The following LINGO2 variants were observed in gnomAD, a reference collection of about 807,000 sequenced individuals.
LINGO2 encodes the protein leucine-rich repeat and immunoglobulin-like domain-containing nogo receptor-interacting protein 2.
In LINGO2, 14 loss-of-function variants were observed where a neutral mutation model predicts 30.6. The ratio of observed to expected loss-of-function variants is 0.46; its 90% CI spans 0.30 to 0.72. The LOEUF (loss-of-function observed/expected upper bound fraction) is 0.72, where lower values mean the gene tolerates loss of function less well. Among genes scored for constraint, LINGO2 ranks in the 30% least tolerant of loss-of-function variants. LINGO2 has a pLI of 0.07. For missense variants in LINGO2, 729 were observed against 751.7 expected, an observed-to-expected ratio of 0.97 and a Z score of 0.35; for synonymous variants, 317 against 288.5, an observed-to-expected ratio of 1.10 and a Z score of -1.00.
chr9:28,975,704 T>G, the LINGO2 span, among the ~76,000 whole-genome samples: 1 of 152,302 alleles, frequency 6.6e-6, no homozygotes, highest in Admixed American at 6.5e-5. Context: ...ACCTTAAGAT[T>G]AGGTCTTTGC....
the LINGO2 span, among the ~76,000 whole-genome samples, chr9:28,778,044 T>G: frequency 1.3e-5 from 2 of 152,136 alleles, no homozygotes; most frequent in East Asian, 3.9e-4. Flanking sequence ...ATATGATTGA[T>G]AGTGGCATAG....
At chr9:29,063,406 C>CTT in the LINGO2 span, among the ~76,000 whole-genome samples, 51 of 142,764 alleles carry the variant, frequency 3.6e-4, no homozygotes, top group Non-Finnish European at 5.5e-4. Context: ...CTATTTACAC[C>CTT]TTTTTTTTTT....
intron 4 of LINGO2, among the ~76,000 whole-genome samples, chr9:28,270,650 C>T (rs570810729): frequency 2.6e-5 from 4 of 152,214 alleles, no homozygotes; most frequent in Non-Finnish European, 4.4e-5. Context: ...AGCTGCAGAT[C>T]ACGACTGAAT....
intron 1 of LINGO2, among the ~76,000 whole-genome samples, chr9:28,664,394 GA>G (rs1563901769): frequency 2.0e-5 from 3 of 152,098 alleles, no homozygotes; most frequent in Non-Finnish European, 2.9e-5. Flanking sequence ...TTAGAAGCCT[GA>G]GAGACCTCTA....
chr9:28,990,667 G>C, the LINGO2 span, among the ~76,000 whole-genome samples: 1 of 152,128 alleles, frequency 6.6e-6, no homozygotes, highest in South Asian at 2.1e-4. Flanking sequence ...AACTTCCAGA[G>C]GAACGATCAG....
At chr9:28,498,272 C>A (rs943211648) in intron 1 of LINGO2, among the ~76,000 whole-genome samples, 53 of 152,316 alleles carry the variant, frequency 3.5e-4, no homozygotes, top group African/African-American at 1.3e-3. Context: ...TCTACAGAGG[C>A]AGGCAGGCCT....
intron 5 of LINGO2, among the ~76,000 whole-genome samples, chr9:27,987,577 G>C (rs763939985): frequency 5.3e-5 from 8 of 151,832 alleles, no homozygotes; most frequent in Non-Finnish European, 1.0e-4. Context: ...GTTTGAAGAC[G>C]TTAGCTTCGT....
the LINGO2 span, among the ~76,000 whole-genome samples, chr9:29,052,051 C>A: frequency 6.6e-6 from 1 of 152,040 alleles, no homozygotes; most frequent in Non-Finnish European, 1.5e-5. Context: ...CCTCAACCCA[C>A]AAAATGGCAA....
chr9:28,161,762 T>G (rs1263271480), intron 4 of LINGO2, among the ~76,000 whole-genome samples: 2 of 152,066 alleles, frequency 1.3e-5, no homozygotes, highest in Non-Finnish European at 2.9e-5. Context: ...GAGAACATTA[T>G]CAAATCATAC....
the LINGO2 span, among the ~76,000 whole-genome samples, chr9:28,711,529 C>A: frequency 1.3e-5 from 2 of 152,058 alleles, no homozygotes; most frequent in Non-Finnish European, 2.9e-5. Context: ...GCAAGGTGAG[C>A]AAGGTTTTCA....
chr9:28,634,182 A>G (rs947196120), intron 1 of LINGO2, among the ~76,000 whole-genome samples: 34 of 152,112 alleles, frequency 2.2e-4, no homozygotes, highest in African/African-American at 8.0e-4. Context: ...CATGAAATTT[A>G]CTCTCACATA....
At position 28,194,377 on chromosome 9, in the gene LINGO2, A is replaced by G. The variant is rs118141437; in HGVS notation, c.-87+100831T>C. ...AATTAATCCTCCCTGTAATTCTGAGAAAGGTACCAGTTTACAGATGTGGAA... is the reference window on the plus strand; with the variant it reads ...AATTAATCCTCCCTGTAATTCTGAGGAAGGTACCAGTTTACAGATGTGGAA... On this transcript the variant is annotated intron_variant, in intron 4 of 5. Transcript: ENST00000379992. Among the ~76,000 whole-genome samples, 180 of 152,226 alleles carry G rather than the reference A, an allele frequency of 1.2e-3. 2 individuals carry two copies. The South Asian group carries it at 0.018, about 15-fold the overall frequency.
the LINGO2 span, among the ~76,000 whole-genome samples, chr9:28,847,746 G>A: frequency 1.1e-5 from 1 of 88,618 alleles, no homozygotes; most frequent in Admixed American, 1.3e-4. Context: ...ATATATATAT[G>A]TTATATATAT....
intron 5 of LINGO2, among the ~76,000 whole-genome samples, chr9:27,970,707 G>T (rs552395681): frequency 2.0e-5 from 3 of 152,098 alleles, no homozygotes; most frequent in Admixed American, 2.0e-4. Context: ...GGACTAATAA[G>T]AGTGAACTAT....
intron 1 of LINGO2, among the ~76,000 whole-genome samples, chr9:28,639,503 C>G (rs1170119286): frequency 6.6e-6 from 1 of 152,126 alleles, no homozygotes; most frequent in Non-Finnish European, 1.5e-5. Context: ...TCTGGGTGCT[C>G]CTGTGCTGGG....
At chr9:28,314,901 C>T (rs1054950804) in intron 3 of LINGO2, among the ~76,000 whole-genome samples, 4 of 149,014 alleles carry the variant, frequency 2.7e-5, no homozygotes, top group Non-Finnish European at 5.9e-5. Flanking sequence ...AGGAGAATGG[C>T]GTGAACCCGG....
intron 4 of LINGO2, among the ~76,000 whole-genome samples, chr9:28,225,070 G>C (rs947676463): frequency 6.6e-6 from 1 of 152,112 alleles, no homozygotes; most frequent in South Asian, 2.1e-4. Context: ...CATATGCACA[G>C]GAATAAAACT....
At chr9:28,790,325 C>CTTTCTTTTTTTTTTTTTTT in the LINGO2 span, among the ~76,000 whole-genome samples, 6 of 106,272 alleles carry the variant, frequency 5.6e-5, 1 homozygote, top group African/African-American at 2.3e-4. Flanking sequence ...TCTTTTCTTT[C>CTTTCTTTTTTTTTTTTTTT]TTTTTTTTTT....
At chr9:28,634,886 C>T (rs566472194) in intron 1 of LINGO2, among the ~76,000 whole-genome samples, 182 of 152,224 alleles carry the variant, frequency 1.2e-3, no homozygotes, top group African/African-American at 4.2e-3. Context: ...TCTTTTCAAC[C>T]CTTTTGCCCC....
Sources: gnomAD v4.1 joint callset for allele counts (sites outside exome capture counted in the v4.1 genomes callset) on GRCh38, gnomAD v4.1.1 for gene constraint, MANE v1.5 for transcripts, NCBI Gene and HGNC (gene_info 2026-07-23, HGNC 2026-07-21) for gene names.